SRRM3: variants seen among roughly 807,000 people sequenced by gnomAD.
The protein encoded by SRRM3 is serine/arginine repetitive matrix protein 3.
A neutral mutation model predicts 66.2 loss-of-function variants in SRRM3; 27 were observed. That is an observed-to-expected ratio of 0.41 (90% CI 0.30 to 0.56). The LOEUF is 0.56. Ranked by LOEUF, SRRM3 falls within the 20% of genes least tolerant of loss-of-function variation. The pLI is 0.32. For synonymous variants in SRRM3, 391 were observed against 414.9 expected (o/e 0.94, Z 0.70); for missense variants, 918 against 991.9 (o/e 0.93, Z 1.00).
intron 14 of SRRM3, 38 bp downstream of exon 14, chr7:76,283,139 G>T: frequency 7.3e-7 from 1 of 1,373,104 alleles, no homozygotes; most frequent in Non-Finnish European, 9.4e-7. Flanking sequence ...GCGCAGGGCT[G>T]GGGCCGCTGA....
chr7:76,220,175 T>C (rs1223784670), intron 1 of SRRM3, among the ~76,000 whole-genome samples: 2 of 152,136 alleles, frequency 1.3e-5, no homozygotes, highest in Admixed American at 6.6e-5. Context: ...GCACTAGGGA[T>C]ACAGATGTGG....
intron 3 of SRRM3, among the ~76,000 whole-genome samples, chr7:76,259,332 C>A (rs1235090253): frequency 6.6e-6 from 1 of 152,026 alleles, no homozygotes; most frequent in African/African-American, 2.4e-5. Context: ...GGAATTCCAG[C>A]ACTTTGAGAG....
chr7:76,243,694 GC>G (rs1554605863), intron 2 of SRRM3, among the ~76,000 whole-genome samples: 2 of 152,142 alleles, frequency 1.3e-5, no homozygotes, highest in Non-Finnish European at 2.9e-5. Flanking sequence ...CTGGGGAATG[GC>G]CCACCCTCAC....
At chr7:76,231,114 T>C (rs1801004891) in intron 1 of SRRM3, among the ~76,000 whole-genome samples, 1 of 152,120 alleles carries the variant, frequency 6.6e-6, no homozygotes, top group South Asian at 2.1e-4. Context: ...CGTGCAGTCC[T>C]GCAGTCACCC....
In SRRM3 at chr7:76,248,352, C is replaced by T. The variant is rs1801493429; in HGVS notation, c.335+63C>T. 4 of 1,259,570 alleles carry T rather than the reference C, an allele frequency of 3.2e-6. No individual in the cohort carries two copies. In the Admixed American group the frequency reaches 7.6e-5, roughly 24 times the overall value. The allele number at this position is 1,259,570 out of a possible 1,614,324, so 78.0% of individuals were successfully genotyped here. A position where few individuals can be genotyped will look rare whatever the true frequency, so the allele number is the denominator to read the frequency against. On this transcript the variant is annotated intron_variant, in intron 3 of 14. Coordinates refer to ENST00000611745, the MANE Select transcript of SRRM3 (RefSeq NM_001110199.3). The stretch of plus-strand genomic sequence containing the variant: ...TGCAGGCTCAGGCAGCAGCTGGGTA[C>T]TAAAGGGGCCTGTCCAGGTGGCTTG...
chr7:76,231,735 T>C (rs1456609687), intron 1 of SRRM3, among the ~76,000 whole-genome samples: 1 of 152,168 alleles, frequency 6.6e-6, no homozygotes, highest in African/African-American at 2.4e-5. Flanking sequence ...AAATATCGCA[T>C]TTAAAAAGTG....
chr7:76,234,857 G>A lies in SRRM3; in HGVS notation c.-39-171G>A, dbSNP rs1003717792. ...AGTGTCCAACCCACTCGTGCCCTGA[G>A]GTGTGACCCAAAGGTGCAAACCAGC... On this transcript the variant is annotated intron_variant, in intron 1 of 14. Transcript: ENST00000611745. 21 of 564,582 alleles carry A rather than the reference G, an allele frequency of 3.7e-5. 2 individuals are homozygous for A. Among genetic ancestry groups the A allele is most frequent in the African/African-American group, 2.8e-4 (14 of 50,014 alleles). 35.0% of individuals were successfully genotyped at this position (564,582 alleles called of 1,614,324 possible). A position where few individuals can be genotyped will look rare whatever the true frequency, so the allele number is the denominator to read the frequency against.
At chr7:76,252,416 G>A (rs1801602062) in intron 3 of SRRM3, among the ~76,000 whole-genome samples, 1 of 152,172 alleles carries the variant, frequency 6.6e-6, no homozygotes, top group Non-Finnish European at 1.5e-5. Flanking sequence ...ACGCTTCCCG[G>A]GTTCAAGTGA....
Position 76,260,912 on chromosome 7 carries a change from G to A in SRRM3, c.575+9G>A. The stretch of plus-strand genomic sequence containing the variant: ...CTGGAGTCCGAATGCAGGTCAGTGG[G>A]GACAGAGCTGGCTGGGGCCAGGGCG... On this transcript the variant is annotated intron_variant, in intron 6 of 14. Transcript: ENST00000611745. 2 of 1,559,142 alleles carry A rather than the reference G, an allele frequency of 1.3e-6. No individual in the cohort carries two copies. The highest frequency in any genetic ancestry group is 2.4e-5 in the East Asian group (1 of 41,728).
At chr7:76,256,506 T>TAAAA (rs1210490559) in intron 3 of SRRM3, among the ~76,000 whole-genome samples, 1 of 143,534 alleles carries the variant, frequency 7.0e-6, no homozygotes, top group South Asian at 2.2e-4. Context: ...AGACTCTGTT[T>TAAAA]AAAAAAAAAA....
chr7:76,260,787 T>C (rs1303841209), intron 5 of SRRM3, 87 bp from the exon 6 acceptor site: 2 of 1,313,614 alleles, frequency 1.5e-6, no homozygotes, highest in Non-Finnish European at 2.1e-6. Flanking sequence ...CACCCTCCCC[T>C]GTCCTGCGTG....
chr7:76,265,150 A>G (rs952296053), intron 9 of SRRM3, among the ~76,000 whole-genome samples: 4 of 151,958 alleles, frequency 2.6e-5, no homozygotes, highest in Admixed American at 6.6e-5. Flanking sequence ...GCCTTTTACT[A>G]ATTCTCACAG....
At chr7:76,249,354 T>C (rs564302417) in intron 3 of SRRM3, among the ~76,000 whole-genome samples, 14 of 149,460 alleles carry the variant, frequency 9.4e-5, no homozygotes, top group African/African-American at 3.5e-4. Flanking sequence ...CACTCCAGCC[T>C]GGGTGACAGA....
chr7:76,211,828 T>TTATTAA (rs200670476), intron 1 of SRRM3, among the ~76,000 whole-genome samples: 4,331 of 136,626 alleles, frequency 0.032, 159 homozygotes, highest in East Asian at 0.14. Flanking sequence ...ATTATTATTA[T>TTATTAA]TATTATTATT....
rs1318624885 is a variant in SRRM3, at chr7:76,285,243, T to C, written c.1734-372T>C. On this transcript the variant is annotated intron_variant, in intron 14 of 14. Transcript: ENST00000611745. The surrounding 1 kb of genome is among the most constrained non-coding windows in gnomAD (Gnocchi z 4.1). ...CATGCCCGGCAAATGTTTGTATTTTTAGTAGAGACAGGGTTTCATTATGTT... is the reference window on the plus strand; with the variant it reads ...CATGCCCGGCAAATGTTTGTATTTTCAGTAGAGACAGGGTTTCATTATGTT... The C allele has an allele frequency of 8.9e-6, 2 of 225,488 alleles. No homozygotes were observed. The highest frequency in any genetic ancestry group is 5.8e-5 in the South Asian group (1 of 17,270). 14.0% of individuals were successfully genotyped at this position (225,488 alleles called of 1,614,324 possible). A position where few individuals can be genotyped will look rare whatever the true frequency, so the allele number is the denominator to read the frequency against.
At chr7:76,204,015 G>T (rs1161581991) in intron 1 of SRRM3, among the ~76,000 whole-genome samples, 1 of 152,086 alleles carries the variant, frequency 6.6e-6, no homozygotes, top group Non-Finnish European at 1.5e-5. Context: ...TGCCAAAGGG[G>T]GGGTCTGGGT....
intron 12 of SRRM3, 50 bp downstream of exon 12, chr7:76,281,852 G>GGCC: frequency 8.6e-7 from 1 of 1,164,340 alleles, no homozygotes; most frequent in Non-Finnish European, 1.1e-6. Flanking sequence ...CCCGCACAGG[G>GGCC]CTCCCCTCCA....
chr7:76,284,370 G>A (rs1379598564), intron 14 of SRRM3, among the ~76,000 whole-genome samples: 2 of 151,956 alleles, frequency 1.3e-5, no homozygotes, highest in Non-Finnish European at 2.9e-5. Context: ...TAGAGACGGG[G>A]TTTCACCATG....
intron 11 of SRRM3, among the ~76,000 whole-genome samples, chr7:76,276,122 C>T (rs1164273860): frequency 6.6e-6 from 1 of 151,712 alleles, no homozygotes; most frequent in African/African-American, 2.4e-5. Context: ...CAAAAGAAAA[C>T]ATGTCAGGTA....
Sources: gnomAD v4.1 joint callset for allele counts (sites outside exome capture counted in the v4.1 genomes callset) on GRCh38, gnomAD v4.1.1 for gene constraint, Gnocchi (gnomAD v3.1) non-coding constraint, MANE v1.5 for transcripts, NCBI Gene and HGNC (gene_info 2026-07-23, HGNC 2026-07-21) for gene names.